The following ENO4 variants were observed in gnomAD, a reference collection of about 807,000 sequenced individuals.
ENO4 encodes the protein enolase 4.
A neutral mutation model predicts 63.2 loss-of-function variants in ENO4; 53 were observed. The ratio of observed to expected loss-of-function variants is 0.84; its 90% CI spans 0.67 to 1.05. ENO4 has a LOEUF of 1.05. Ranked by LOEUF, ENO4 falls within the 50% of genes least tolerant of loss-of-function variation. The pLI, the probability that ENO4 is intolerant of heterozygous loss-of-function variation, is 0.00. For synonymous variants in ENO4, 266 were observed against 283.8 expected, an observed-to-expected ratio of 0.94 and a Z score of 0.63; for missense variants, 719 against 772.0, an observed-to-expected ratio of 0.93 and a Z score of 0.81.
At chr10:116,905,846 A>G (rs1847947855) in intron 10 of ENO4, among the ~76,000 whole-genome samples, 1 of 152,196 alleles carries the variant, frequency 6.6e-6, no homozygotes, top group Non-Finnish European at 1.5e-5. Flanking sequence ...GTTTCCGTTA[A>G]TTCCCATGAC....
downstream of ENO4, chr10:116,884,087 T>C (rs1402138597): frequency 7.8e-6 from 3 of 384,780 alleles, no homozygotes; most frequent in Admixed American, 5.8e-5. Flanking sequence ...GAAGGAAGCA[T>C]AAATAACCTT....
At chr10:116,906,878 T>C (rs1847990511) in intron 10 of ENO4, 6 of 726,714 alleles carry the variant, frequency 8.3e-6, no homozygotes, top group Non-Finnish European at 1.2e-5. Context: ...ATTTGCTATA[T>C]ATTAATATTT....
At position 116,864,768 on chromosome 10, in the gene ENO4, C is replaced by T. The variant is rs143760132; in HGVS notation, c.990+1916C>T. Among the ~76,000 whole-genome samples the T allele has an allele frequency of 7.9e-3, 1,199 of 152,198 alleles. 14 individuals are homozygous for T. The highest frequency in any genetic ancestry group is 0.027 in the African/African-American group (1,132 of 41,512). On this transcript the variant is annotated intron_variant, in intron 7 of 13. Coordinates refer to ENST00000341276, the MANE Select transcript of ENO4 (RefSeq NM_001242699.2). Reference sequence around the variant, plus strand: ...GGCGCAGTGGCTCACACCTGTAATCCCAGCACTTTGGGAGCCTGAGGCGGG... The same window carrying T: ...GGCGCAGTGGCTCACACCTGTAATCTCAGCACTTTGGGAGCCTGAGGCGGG...
chr10:116,897,147 T>TAA (rs1847552666), intron 10 of ENO4, among the ~76,000 whole-genome samples: 2 of 152,212 alleles, frequency 1.3e-5, no homozygotes, highest in African/African-American at 4.8e-5. Context: ...TAAAAAGGTC[T>TAA]AAATGCATTT....
intron 11 of ENO4, among the ~76,000 whole-genome samples, chr10:116,878,905 G>A (rs547664183): frequency 2.6e-5 from 4 of 151,780 alleles, no homozygotes; most frequent in African/African-American, 7.3e-5. Flanking sequence ...CACCACGCCC[G>A]GCTAATTTTT....
chr10:116,867,157 G>A (rs1221428063), intron 7 of ENO4, among the ~76,000 whole-genome samples: 1 of 152,126 alleles, frequency 6.6e-6, no homozygotes, highest in Non-Finnish European at 1.5e-5. Flanking sequence ...TAGAGTGATA[G>A]TTCCTGATGA....
At chr10:116,880,433 T>A (rs550045474) in intron 13 of ENO4, among the ~76,000 whole-genome samples, 1 of 152,238 alleles carries the variant, frequency 6.6e-6, no homozygotes, top group African/African-American at 2.4e-5. Flanking sequence ...GAGAAATCGA[T>A]CATTTAATGA....
intron 1 of ENO4, among the ~76,000 whole-genome samples, chr10:116,853,633 AGGTGCTT>A (rs921034927): frequency 1.3e-5 from 2 of 152,204 alleles, no homozygotes; most frequent in Non-Finnish European, 2.9e-5. Context: ...GGCACATTAT[AGGTGCTT>A]GGTGCTTGTT....
intron 10 of ENO4, chr10:116,907,818 A>G (rs1848032742): frequency 4.0e-6 from 2 of 497,958 alleles, no homozygotes; most frequent in Non-Finnish European, 8.0e-6. Flanking sequence ...GAGTCAAAAG[A>G]CAGCTTTTGT....
chr10:116,861,423 C>T (rs889905541), intron 6 of ENO4, among the ~76,000 whole-genome samples: 25 of 152,094 alleles, frequency 1.6e-4, no homozygotes, highest in African/African-American at 6.0e-4. Flanking sequence ...TGTTGACTCA[C>T]AGACAAGCCA....
Position 116,879,727 on chromosome 10 carries a change from T to A in ENO4, c.1606-142T>A, listed in dbSNP as rs1011778326. 6 of 670,692 alleles carry A rather than the reference T, an allele frequency of 8.9e-6. No individual in the cohort carries two copies. In the African/African-American group the frequency reaches 1.1e-4, roughly 12 times the overall value. 41.5% of individuals were successfully genotyped at this position (670,692 alleles called of 1,614,324 possible). A position where few individuals can be genotyped will look rare whatever the true frequency, so the allele number is the denominator to read the frequency against. On this transcript the variant is annotated intron_variant, in intron 12 of 13. Coordinates refer to ENST00000341276, the MANE Select transcript of ENO4 (RefSeq NM_001242699.2). ...TCAGCACTCTCAGCTTGTAGGCCAC[T>A]GTGCTTACATAAAGATAAAAAACTA...
chr10:116,856,830 A>G (rs1846274580), intron 3 of ENO4, 148 bp downstream of exon 3: 1 of 651,926 alleles, frequency 1.5e-6, no homozygotes, highest in African/African-American at 1.9e-5. Context: ...TCTACTCAAA[A>G]TACAAAAAAT....
chr10:116,859,196 C>A, intron 4 of ENO4, 58 bp downstream of exon 4: 1 of 1,456,136 alleles, frequency 6.9e-7, no homozygotes, highest in Non-Finnish European at 9.0e-7. Flanking sequence ...GGAAGAAAGG[C>A]TGAAGCCTGG....
intron 13 of ENO4, 63 bp downstream of exon 13, chr10:116,880,049 A>C (rs2133283883): frequency 3.1e-6 from 4 of 1,298,828 alleles, no homozygotes. Flanking sequence ...AGATTGGAAG[A>C]GGGGGAATAG....
intron 4 of ENO4, 150 bp downstream of exon 4, chr10:116,859,288 C>G (rs1392426839): frequency 1.2e-6 from 1 of 866,730 alleles, no homozygotes; most frequent in African/African-American, 1.7e-5. Flanking sequence ...CATCCTCACT[C>G]AAAGATTTTG....
intron 7 of ENO4, among the ~76,000 whole-genome samples, chr10:116,865,426 C>T (rs1344363677): frequency 6.6e-6 from 1 of 152,074 alleles, no homozygotes; most frequent in Non-Finnish European, 1.5e-5. Context: ...ACCTTGTGAT[C>T]CGCCCGCCTC....
Position 116,906,266 on chromosome 10 carries a change from C to CTGGT in ENO4, c.1195-5232_1195-5229dup, listed in dbSNP as rs566971433. ...CAGTAATTTGCTTAAGGGCAACCAG[C>CTGGT]TGGTATACAAGAGAACTAGGACTCA... On this transcript the variant is annotated intron_variant, in intron 10 of 10. Transcript: ENST00000369207. 7.4e-4 allele frequency among the ~76,000 whole-genome samples: 112 copies of CTGGT among 152,328 alleles called. 2 individuals are homozygous for CTGGT. In the South Asian group the frequency reaches 0.022, roughly 30 times the overall value.
At chr10:116,905,816 C>T (rs1481651469) in intron 10 of ENO4, among the ~76,000 whole-genome samples, 1 of 152,174 alleles carries the variant, frequency 6.6e-6, no homozygotes, top group African/African-American at 2.4e-5. Context: ...TACCTGGTCA[C>T]AAGGGGAAAC....
At chr10:116,861,652 C>T (rs1031693567) in intron 6 of ENO4, among the ~76,000 whole-genome samples, 1 of 152,136 alleles carries the variant, frequency 6.6e-6, no homozygotes, top group Non-Finnish European at 1.5e-5. Context: ...GTTCACCACT[C>T]AGAGGTGTGC....
Sources: allele counts gnomAD v4.1 joint callset (sites outside exome capture counted in the v4.1 genomes callset), GRCh38; gene constraint gnomAD v4.1.1; transcripts MANE v1.5; gene names NCBI Gene and HGNC (gene_info 2026-07-23, HGNC 2026-07-21).